The following CMSS1 variants were observed in gnomAD, a reference collection of about 807,000 sequenced individuals.
CMSS1 encodes the protein protein CMSS1.
Under a neutral mutation model 43.5 loss-of-function variants are expected in CMSS1, and 33 were observed. The ratio of observed to expected loss-of-function variants is 0.76; its 90% CI spans 0.57 to 1.01. CMSS1 has a LOEUF of 1.01. CMSS1 is among the 50% of genes least tolerant of loss of function. The pLI is 0.00. For synonymous variants in CMSS1, 115 were observed against 117.2 expected, an observed-to-expected ratio of 0.98 and a Z score of 0.12; for missense variants, 313 against 326.4, an observed-to-expected ratio of 0.96 and a Z score of 0.32.
intron 1 of CMSS1, among the ~76,000 whole-genome samples, chr3:100,013,210 T>G (rs530757532): frequency 7.4e-6 from 1 of 134,668 alleles, no homozygotes; most frequent in South Asian, 2.5e-4. Flanking sequence ...TCAAGGCCAG[T>G]GAGGTGTTGT....
chr3:100,093,225 C>T (rs2066143760), intron 1 of CMSS1, among the ~76,000 whole-genome samples: 1 of 152,050 alleles, frequency 6.6e-6, no homozygotes, highest in Non-Finnish European at 1.5e-5. Flanking sequence ...AGTTGAGCAG[C>T]TTATGTCATT....
At chr3:100,092,226 A>G (rs535720717) in intron 1 of CMSS1, among the ~76,000 whole-genome samples, 139 of 152,292 alleles carry the variant, frequency 9.1e-4, no homozygotes, top group African/African-American at 3.1e-3. Context: ...ATATTCTATA[A>G]CAGTATTAAA....
At chr3:100,010,612 C>CTTT (rs71625546) in intron 1 of CMSS1, among the ~76,000 whole-genome samples, 3 of 141,474 alleles carry the variant, frequency 2.1e-5, no homozygotes, top group Non-Finnish European at 3.1e-5. Flanking sequence ...GTTTTTCTTT[C>CTTT]TTTTTTTTTT....
intron 1 of CMSS1, among the ~76,000 whole-genome samples, chr3:99,908,572 A>C (rs2107636143): frequency 6.6e-6 from 1 of 152,320 alleles, no homozygotes; most frequent in South Asian, 2.1e-4. Context: ...AGAGTCCTTG[A>C]GGCCTAATTC....
intron 1 of CMSS1, among the ~76,000 whole-genome samples, chr3:100,032,055 G>A (rs1341076545): frequency 1.3e-5 from 2 of 152,022 alleles, no homozygotes; most frequent in Non-Finnish European, 2.9e-5. Context: ...ATTATATAAA[G>A]ACAGGCTACA....
chr3:100,037,838 A>T (rs2065133185), intron 1 of CMSS1, among the ~76,000 whole-genome samples: 1 of 152,172 alleles, frequency 6.6e-6, no homozygotes, highest in African/African-American at 2.4e-5. Context: ...ACCTTTAAAA[A>T]ACTAAAGCTC....
intron 1 of CMSS1, among the ~76,000 whole-genome samples, chr3:100,008,990 A>C (rs902213816): frequency 6.6e-6 from 1 of 152,242 alleles, no homozygotes; most frequent in African/African-American, 2.4e-5. Context: ...TTTCATATGC[A>C]ACGATAGTTT....
chr3:100,007,094 C>A (rs73859916), intron 1 of CMSS1, among the ~76,000 whole-genome samples: 2 of 152,136 alleles, frequency 1.3e-5, no homozygotes, highest in Admixed American at 6.6e-5. Context: ...TTTTCTGACT[C>A]GCTTTTTCTT....
At chr3:100,141,059 T>C (rs1447820600) in intron 1 of CMSS1, among the ~76,000 whole-genome samples, 1 of 152,208 alleles carries the variant, frequency 6.6e-6, no homozygotes, top group African/African-American at 2.4e-5. Flanking sequence ...TTTTTTATGA[T>C]TGGAAGAATC....
intron 1 of CMSS1, among the ~76,000 whole-genome samples, chr3:99,999,917 A>G (rs556774713): frequency 1.3e-5 from 2 of 152,332 alleles, no homozygotes; most frequent in East Asian, 1.9e-4. Flanking sequence ...ATATTGGACT[A>G]TGGGCCTCTG....
chr3:100,055,849 T>C (rs1245785817), intron 1 of CMSS1, among the ~76,000 whole-genome samples: 3 of 152,214 alleles, frequency 2.0e-5, no homozygotes. Context: ...TCTTCCACAA[T>C]ATGAAGGGTA....
chr3:100,146,942 T>C, intron 1 of CMSS1, 31 bp from the exon 2 acceptor site: 2 of 1,604,248 alleles, frequency 1.2e-6, no homozygotes, highest in Non-Finnish European at 1.7e-6. Flanking sequence ...AGAGAGAGAC[T>C]TTTCTGATTT....
At chr3:100,162,237 A>C in intron 3 of CMSS1, 66 bp from the exon 4 acceptor site, 2 of 1,448,560 alleles carry the variant, frequency 1.4e-6, no homozygotes, top group Non-Finnish European at 1.9e-6. Context: ...CAGAGGAACT[A>C]ACCTATTCCA....
intron 1 of CMSS1, among the ~76,000 whole-genome samples, chr3:99,877,577 A>T (rs1368949894): frequency 1.3e-5 from 2 of 152,190 alleles, no homozygotes; most frequent in African/African-American, 4.8e-5. Context: ...AATTACACAT[A>T]CTCTTCAGCC....
intron 1 of CMSS1, among the ~76,000 whole-genome samples, chr3:99,854,936 T>C (rs1943884471): frequency 6.6e-6 from 1 of 152,226 alleles, no homozygotes; most frequent in African/African-American, 2.4e-5. Context: ...ATAGGAATCT[T>C]GTTAAACTGC....
At chr3:100,016,826 T>C (rs751957407) in intron 1 of CMSS1, among the ~76,000 whole-genome samples, 18 of 152,336 alleles carry the variant, frequency 1.2e-4, no homozygotes, top group Admixed American at 5.2e-4. Flanking sequence ...ATAGTGCTTC[T>C]AGGAACAGAT....
At chr3:99,982,813 G>GT (rs1294362927) in intron 1 of CMSS1, among the ~76,000 whole-genome samples, 2 of 152,038 alleles carry the variant, frequency 1.3e-5, no homozygotes, top group Non-Finnish European at 2.9e-5. Context: ...GATGACAATT[G>GT]AACAGCCCAA....
chr3:99,884,596 T>C (rs1356563548), intron 1 of CMSS1, among the ~76,000 whole-genome samples: 2 of 152,176 alleles, frequency 1.3e-5, no homozygotes, highest in Non-Finnish European at 2.9e-5. Context: ...TGGGATTCTG[T>C]AGGAGGACCA....
chr3:100,137,842 A>G (rs1158016349), intron 1 of CMSS1, among the ~76,000 whole-genome samples: 11 of 152,184 alleles, frequency 7.2e-5, no homozygotes, highest in Admixed American at 7.2e-4. Context: ...CTGGGATTAC[A>G]GGCTGAGCTA....
Sources: gnomAD v4.1 joint callset for allele counts (sites outside exome capture counted in the v4.1 genomes callset) on GRCh38, gnomAD v4.1.1 for gene constraint, MANE v1.5 for transcripts, NCBI Gene and HGNC (gene_info 2026-07-23, HGNC 2026-07-21) for gene names.